GALNTL6: variants seen among roughly 807,000 people sequenced by gnomAD.
GALNTL6 encodes polypeptide N-acetylgalactosaminyltransferase-like 6.
GALNTL6 carries 46 observed loss-of-function variants against 73.7 expected under a neutral mutation model. That is an observed-to-expected ratio of 0.62 (90% CI 0.49 to 0.80). GALNTL6 has a LOEUF of 0.80. GALNTL6 is among the 30% of genes least tolerant of loss of function. GALNTL6 has a pLI of 0.00. For synonymous variants in GALNTL6, 259 were observed against 263.7 expected (o/e 0.98, Z 0.17); for missense variants, 604 against 755.0 (o/e 0.80, Z 2.34).
intron 2 of GALNTL6, among the ~76,000 whole-genome samples, chr4:171,937,258 A>G (rs1319380750): frequency 6.6e-6 from 1 of 152,144 alleles, no homozygotes; most frequent in Non-Finnish European, 1.5e-5. Flanking sequence ...ATTTTTAATA[A>G]GAATTACTAT....
intron 2 of GALNTL6, among the ~76,000 whole-genome samples, chr4:171,962,594 G>A (rs1739252088): frequency 6.6e-6 from 1 of 152,036 alleles, no homozygotes; most frequent in Non-Finnish European, 1.5e-5. Context: ...GGAACCCACA[G>A]TTCTGGGAAT....
chr4:172,461,469 C>G (rs922442878), intron 5 of GALNTL6, among the ~76,000 whole-genome samples: 5 of 152,170 alleles, frequency 3.3e-5, no homozygotes, highest in African/African-American at 1.2e-4. Flanking sequence ...GACCACAGAA[C>G]TTACTAATTA....
intron 5 of GALNTL6, among the ~76,000 whole-genome samples, chr4:172,528,155 A>G (rs1735025148): frequency 6.6e-6 from 1 of 151,450 alleles, no homozygotes; most frequent in Non-Finnish European, 1.5e-5. Flanking sequence ...CAGTTCAAAA[A>G]GAATAAAACA....
chr4:172,092,067 A>AT (rs943430673), intron 2 of GALNTL6, among the ~76,000 whole-genome samples: 6 of 151,658 alleles, frequency 4.0e-5, no homozygotes, highest in East Asian at 1.9e-4. Context: ...TTTGTTACAG[A>AT]TTTTTTTTTC....
At chr4:173,022,090 A>G (rs62341923) in intron 12 of GALNTL6, among the ~76,000 whole-genome samples, 1,302 of 65,672 alleles carry the variant, frequency 0.02, 2 homozygotes, top group Middle Eastern at 0.029. Flanking sequence ...AAGGAAGGAA[A>G]GAAGGAAGGA....
intron 2 of GALNTL6, among the ~76,000 whole-genome samples, chr4:171,934,881 G>C (rs771524509): frequency 1.1e-4 from 16 of 152,130 alleles, no homozygotes; most frequent in Non-Finnish European, 2.4e-4. Context: ...GAAAAACTGG[G>C]AAGTTGAAGT....
At chr4:172,687,651 T>C (rs1049498811) in intron 5 of GALNTL6, among the ~76,000 whole-genome samples, 1 of 151,276 alleles carries the variant, frequency 6.6e-6, no homozygotes, top group African/African-American at 2.4e-5. Context: ...AAAAATTTCT[T>C]GAAGCTACTG....
chr4:172,196,921 T>C (rs929843819), intron 2 of GALNTL6, among the ~76,000 whole-genome samples: 15 of 152,240 alleles, frequency 9.9e-5, no homozygotes, highest in African/African-American at 3.6e-4. Flanking sequence ...TTCAACATAG[T>C]ATTGGAACTT....
At chr4:172,302,764 T>C (rs1405544869) in intron 3 of GALNTL6, among the ~76,000 whole-genome samples, 3 of 152,160 alleles carry the variant, frequency 2.0e-5, no homozygotes, top group Admixed American at 1.3e-4. Context: ...AAAATAGATA[T>C]AGGACTATTT....
chr4:172,111,288 T>C (rs1732844124), intron 2 of GALNTL6, among the ~76,000 whole-genome samples: 1 of 152,156 alleles, frequency 6.6e-6, no homozygotes, highest in Non-Finnish European at 1.5e-5. Flanking sequence ...AAATTTATAC[T>C]ATCAAAGATG....
At chr4:172,844,976 G>A (rs1477541488) in intron 7 of GALNTL6, among the ~76,000 whole-genome samples, 2 of 152,112 alleles carry the variant, frequency 1.3e-5, no homozygotes, top group Non-Finnish European at 2.9e-5. Flanking sequence ...AGCACTTTGG[G>A]AGGCCAAGGC....
intron 5 of GALNTL6, among the ~76,000 whole-genome samples, chr4:172,379,358 G>A (rs1244880210): frequency 1.2e-4 from 18 of 151,828 alleles, no homozygotes; most frequent in Admixed American, 5.9e-4. Context: ...GTGAAACCCC[G>A]TCTCTACTAA....
At chr4:172,821,835 G>A (rs572121489) in intron 7 of GALNTL6, among the ~76,000 whole-genome samples, 4 of 152,180 alleles carry the variant, frequency 2.6e-5, no homozygotes, top group Admixed American at 6.5e-5. Flanking sequence ...TTTTTTAAAT[G>A]TAAAGTAAAA....
chr4:172,872,044 C>T (rs758567214), intron 7 of GALNTL6, among the ~76,000 whole-genome samples: 4 of 152,126 alleles, frequency 2.6e-5, no homozygotes, highest in South Asian at 2.1e-4. Flanking sequence ...TCACCCTCCT[C>T]GGCCTCTCAA....
At chr4:171,891,426 T>C (rs1215570566) in intron 2 of GALNTL6, among the ~76,000 whole-genome samples, 1 of 152,178 alleles carries the variant, frequency 6.6e-6, no homozygotes, top group Non-Finnish European at 1.5e-5. Flanking sequence ...TAATTAAGCA[T>C]TTTAAAATTA....
intron 2 of GALNTL6, among the ~76,000 whole-genome samples, chr4:171,964,694 G>C (rs943346779): frequency 6.6e-6 from 1 of 152,188 alleles, no homozygotes; most frequent in South Asian, 2.1e-4. Context: ...AAGTTGAACA[G>C]TTGGTCTAGT....
At chr4:172,293,768 T>G (rs893866216) in intron 3 of GALNTL6, among the ~76,000 whole-genome samples, 1 of 151,510 alleles carries the variant, frequency 6.6e-6, no homozygotes, top group Admixed American at 6.6e-5. Flanking sequence ...TTTGCATAAA[T>G]TAAACTGAAA....
chr4:172,867,980 G>T (rs1394829790), intron 7 of GALNTL6, among the ~76,000 whole-genome samples: 1 of 152,162 alleles, frequency 6.6e-6, no homozygotes, highest in African/African-American at 2.4e-5. Context: ...TGCACACATA[G>T]TTGCATATTT....
At chr4:172,250,387 A>G (rs1291815978) in intron 3 of GALNTL6, among the ~76,000 whole-genome samples, 2 of 152,212 alleles carry the variant, frequency 1.3e-5, no homozygotes, top group African/African-American at 4.8e-5. Flanking sequence ...GGATAATGCT[A>G]GAATGAGTTG....
Sources: gnomAD v4.1 joint callset for allele counts (sites outside exome capture counted in the v4.1 genomes callset) on GRCh38, gnomAD v4.1.1 for gene constraint, MANE v1.5 for transcripts, NCBI Gene and HGNC (gene_info 2026-07-23, HGNC 2026-07-21) for gene names.